Variants in ANGPTL2 observed in about 807,000 individuals in gnomAD.
ANGPTL2 encodes the protein angiopoietin like 2.
In ANGPTL2, 25 loss-of-function variants were observed where a neutral mutation model predicts 52.8. The ratio of observed to expected loss-of-function variants is 0.47; its 90% CI spans 0.35 to 0.66. The LOEUF is 0.66. Among genes scored for constraint, ANGPTL2 ranks in the 30% least tolerant of loss-of-function variants. The pLI is 0.01. For missense variants in ANGPTL2, 546 were observed against 656.9 expected (o/e 0.83, Z 1.84); for synonymous variants, 276 against 277.4 (o/e 1.00, Z 0.05).
chr9:127,097,238 G>T (rs2136650001), intron 2 of ANGPTL2, among the ~76,000 whole-genome samples: 1 of 152,296 alleles, frequency 6.6e-6, no homozygotes, highest in South Asian at 2.1e-4. Flanking sequence ...AACGATTGTA[G>T]TGTCTGTTAT....
rs570528857 is a variant in ANGPTL2, at chr9:127,116,194, G to A, written c.-50+6121C>T. ...GGGTAAGACAGATTTGCCTGGAGGA[G>A]TAGCACTGGGGGTTCGAATCTGCCT... is the stretch of plus-strand genomic sequence containing the variant. On this transcript the variant is annotated intron_variant, in intron 1 of 4. Coordinates refer to ENST00000373425, the MANE Select transcript of ANGPTL2 (RefSeq NM_012098.3). Among the ~76,000 whole-genome samples, 114 of 152,322 alleles carry A rather than the reference G, an allele frequency of 7.5e-4. 2 individuals carry two copies. Among genetic ancestry groups the A allele is most frequent in the Admixed American group, 3.9e-4 (6 of 15,300 alleles).
chr9:127,098,411 A>G (rs984818388), intron 2 of ANGPTL2, among the ~76,000 whole-genome samples: 3 of 152,150 alleles, frequency 2.0e-5, no homozygotes, highest in African/African-American at 7.2e-5. Context: ...TCATCTCTAT[A>G]AAGACCACAT....
chr9:127,087,572 C>G lies in ANGPTL2; in HGVS notation c.*1367G>C, dbSNP rs1232194758. The G allele has an allele frequency of 1.3e-5, 2 of 152,642 alleles. No individual in the cohort carries two copies. The highest frequency in any genetic ancestry group is 2.9e-5 in the Non-Finnish European group (2 of 68,076). The allele number at this position is 152,642 out of a possible 1,614,324, so 9.5% of individuals were successfully genotyped here. On this transcript the variant is annotated 3_prime_UTR_variant, in exon 5 of 5. Transcript: ENST00000373425. ...ACCGGGAAGGGTCTCACCTTCTTGACTCATCCCTTGCCCCTTCTTGGCAAT... is the reference window on the plus strand; with the variant it reads ...ACCGGGAAGGGTCTCACCTTCTTGAGTCATCCCTTGCCCCTTCTTGGCAAT...
chr9:127,102,874 A>C (rs2053871443), intron 2 of ANGPTL2, among the ~76,000 whole-genome samples: 1 of 152,218 alleles, frequency 6.6e-6, no homozygotes, highest in Admixed American at 6.5e-5. Flanking sequence ...AACCTTTTAG[A>C]ATAAAAGAAA....
intron 2 of ANGPTL2, among the ~76,000 whole-genome samples, chr9:127,103,787 G>A (rs1261400441): frequency 6.6e-6 from 1 of 152,196 alleles, no homozygotes; most frequent in Admixed American, 6.5e-5. Flanking sequence ...GAGCTAGAAG[G>A]TCAGGAAGTA....
intron 4 of ANGPTL2, 26 bp from the exon 5 acceptor site, chr9:127,089,164 G>T: frequency 1.2e-6 from 2 of 1,612,484 alleles, no homozygotes; most frequent in Non-Finnish European, 1.7e-6. Context: ...CAGTGAGAGG[G>T]TGTCTGGGAG....
At position 127,088,955 on chromosome 9, in the gene ANGPTL2, G is replaced by A. The variant is rs967696380; in HGVS notation, c.1466C>T (p.Pro489Leu). The change falls in exon 5 of 5, where the codon CCC becomes CTC. Residue 489 changes from proline to leucine, a missense_variant. Around this residue, in one of 2 missense-constraint regions of ANGPTL2, gnomAD observed 261 missense variants for 361.0 expected, o/e 0.72. Transcript: ENST00000373425. ...KKVVMMIRPN[P>L]NTFH ...GGAGCTGGCTTAGTGGAAGGTGTTG[G>A]GGTTCGGTCGGATCATCATCACCAC... is the stretch of plus-strand genomic sequence containing the variant. The A allele has an allele frequency of 1.2e-6, 2 of 1,614,056 alleles. No homozygotes were observed. The highest frequency in any genetic ancestry group is 8.5e-7 in the Non-Finnish European group (1 of 1,180,052).
intron 4 of ANGPTL2, among the ~76,000 whole-genome samples, chr9:127,090,893 G>A (rs1000049814): frequency 1.3e-5 from 2 of 152,170 alleles, no homozygotes; most frequent in Non-Finnish European, 2.9e-5. Context: ...TGGACTCAGG[G>A]CCAGACCATA....
chr9:127,099,876 T>G (rs933366310), intron 2 of ANGPTL2, among the ~76,000 whole-genome samples: 1 of 152,254 alleles, frequency 6.6e-6, no homozygotes, highest in Non-Finnish European at 1.5e-5. Context: ...TTCAGGCCGC[T>G]TTAGCCCTCA....
intron 1 of ANGPTL2, among the ~76,000 whole-genome samples, chr9:127,121,264 A>G (rs1407190163): frequency 1.3e-5 from 2 of 152,238 alleles, no homozygotes; most frequent in Non-Finnish European, 2.9e-5. Flanking sequence ...TTCACAGATA[A>G]GAAAACTGAG....
At position 127,107,898 on chromosome 9, in the gene ANGPTL2, A is replaced by G; in HGVS notation, c.817+17T>C. On this transcript the variant is annotated intron_variant, in intron 2 of 4. Transcript: ENST00000373425. ...GGCTCTGAGACCCACATGTAACACG[A>G]TCCCAGAAGCACTTACCCGACGGCT... The G allele has an allele frequency of 6.6e-7, 1 of 1,517,784 alleles. No individual in the cohort carries two copies. Among genetic ancestry groups the G allele is most frequent in the East Asian group, 2.3e-5 (1 of 43,838 alleles). 94.0% of individuals were successfully genotyped at this position (1,517,784 alleles called of 1,614,324 possible). A position where few individuals can be genotyped will look rare whatever the true frequency, so the allele number is the denominator to read the frequency against.
At chr9:127,119,744 A>G (rs2055848101) in intron 1 of ANGPTL2, among the ~76,000 whole-genome samples, 1 of 152,166 alleles carries the variant, frequency 6.6e-6, no homozygotes, top group Non-Finnish European at 1.5e-5. Context: ...CCCCTGCTGG[A>G]CCATGTGCGT....
intron 2 of ANGPTL2, among the ~76,000 whole-genome samples, chr9:127,101,500 C>T (rs1056918504): frequency 1.3e-5 from 2 of 152,128 alleles, no homozygotes; most frequent in Admixed American, 6.5e-5. Context: ...CTTGACCCTC[C>T]ATCCTTCACC....
intron 2 of ANGPTL2, among the ~76,000 whole-genome samples, chr9:127,094,518 A>G (rs1359790888): frequency 1.3e-5 from 2 of 152,242 alleles, no homozygotes; most frequent in Non-Finnish European, 2.9e-5. Context: ...AGCTTTTACT[A>G]AATGAACTTC....
rs565674957 is a variant in ANGPTL2, at chr9:127,092,226, A to T, written c.1012-286T>A. ...TTCCCCACAGGCTTGCTGCAGGAAC[A>T]CGTGTGCTGTGGCAGGTGGAGGGCC... On this transcript the variant is annotated intron_variant, in intron 3 of 4. Coordinates refer to ENST00000373425, the MANE Select transcript of ANGPTL2 (RefSeq NM_012098.3). Among the ~76,000 whole-genome samples the T allele has an allele frequency of 3.9e-5, 6 of 152,328 alleles. 1 individual carries two copies. In the South Asian group the frequency reaches 1.2e-3, roughly 32 times the overall value.
chr9:127,108,593 C>T lies in ANGPTL2; in HGVS notation c.139G>A (p.Ala47Thr). 4 of 1,613,660 alleles carry T rather than the reference C, an allele frequency of 2.5e-6. No homozygotes were observed. In the South Asian group the frequency reaches 4.4e-5, roughly 18 times the overall value. Residue 47 changes from alanine to threonine, a missense_variant, in exon 2 of 5, where the codon GCG becomes ACG. By Grantham distance (58) the Ala-to-Thr change is moderately conservative. Coordinates refer to ENST00000373425, the MANE Select transcript of ANGPTL2 (RefSeq NM_012098.3). ...GTGCACTTGTCCTGGGACTCGCCCG[C>T]CCGCTTGTACCTGTTTAGGTAAATG... ...EFIYLNRYKR[A>T]GESQDKCTYT...
intron 2 of ANGPTL2, among the ~76,000 whole-genome samples, chr9:127,101,232 C>T (rs1218719340): frequency 1.3e-5 from 2 of 152,234 alleles, no homozygotes; most frequent in African/African-American, 4.8e-5. Context: ...CTTTGCACAC[C>T]GTTTCATTTC....
Position 127,089,089 on chromosome 9 carries a change from G to T in ANGPTL2, c.1332C>A (p.Ala444=). ...ACCAGACCCCGTTGAGGTTGGAGTG[G>T]GCACAGGCGTTATACCACCAGCCTC... ...QKGGWWYNAC[A]HSNLNGVWYR... The change falls in exon 5 of 5, where the codon GCC becomes GCA. Residue 444 remains alanine (A), a synonymous_variant. Coordinates refer to ENST00000373425, the MANE Select transcript of ANGPTL2 (RefSeq NM_012098.3). 1 of 1,614,222 alleles carries T rather than the reference G, an allele frequency of 6.2e-7. No homozygotes were observed. Among genetic ancestry groups the T allele is most frequent in the Non-Finnish European group, 8.5e-7 (1 of 1,180,032 alleles).
intron 1 of ANGPTL2, among the ~76,000 whole-genome samples, chr9:127,119,195 C>T (rs1342214685): frequency 1.3e-5 from 2 of 152,190 alleles, no homozygotes; most frequent in Admixed American, 1.3e-4. Flanking sequence ...TACCACATAA[C>T]AGGTACCCTC....
Sources: gnomAD v4.1 joint callset for allele counts (sites outside exome capture counted in the v4.1 genomes callset) on GRCh38, gnomAD v4.1.1 for gene constraint, gnomAD v4.1.1 regional missense constraint, MANE v1.5 for transcripts, NCBI Gene and HGNC (gene_info 2026-07-23, HGNC 2026-07-21) for gene names.